MAP3K15: variants seen among roughly 807,000 people sequenced by gnomAD.
MAP3K15 encodes the protein MAPK/ERK kinase kinase 15.
MAP3K15 carries 124 observed loss-of-function variants against 99.5 expected under a neutral mutation model. The observed-to-expected ratio is 1.25, with a 90% CI of 1.08 to 1.45. The LOEUF (loss-of-function observed/expected upper bound fraction) is 1.45. Among genes scored for constraint, MAP3K15 ranks in the 40% most tolerant of loss-of-function variants. The pLI is 0.00. For synonymous variants in MAP3K15, 494 were observed against 439.6 expected (o/e 1.12, Z -1.55); for missense variants, 1,242 against 1,079.7 (o/e 1.15, Z -2.11).
intron 4 of MAP3K15, among the ~76,000 whole-genome samples, chrX:19,463,498 G>A (rs2064145347): frequency 8.9e-6 from 1 of 111,898 alleles, no homozygotes; most frequent in Non-Finnish European, 1.9e-5. Flanking sequence ...TAAATTGGCT[G>A]CAAGCAAAAT....
At chrX:19,379,082 A>T in intron 19 of MAP3K15, among the ~76,000 whole-genome samples, 1 of 109,688 alleles carries the variant, frequency 9.1e-6, no homozygotes, top group African/African-American at 3.3e-5. Context: ...AAGGGAAAGG[A>T]CCCTCCCCCA....
chrX:19,426,818 C>CAAAAAAAAA lies in MAP3K15; in HGVS notation c.1167-484_1167-476dup, dbSNP rs746106862. On this transcript the variant is annotated intron_variant, in intron 7 of 28. Coordinates refer to ENST00000338883, the MANE Select transcript of MAP3K15 (RefSeq NM_001001671.4). ...GGGTGACAGAGCGAGAATCTGTCTC[C>CAAAAAAAAA]AAAAAAAAAAAAAAAAAAAAAAAAA... Among the ~76,000 whole-genome samples, 16 of 21,147 alleles carry CAAAAAAAAA rather than the reference C, an allele frequency of 7.6e-4. 4 individuals carry two copies. Among genetic ancestry groups the CAAAAAAAAA allele is most frequent in the African/African-American group, 3.1e-3 (15 of 4,829 alleles). 18.4% of individuals were successfully genotyped at this position (21,147 alleles called of 115,157 possible).
rs770086835 is a variant in MAP3K15, at chrX:19,395,159, G to A, written c.2116C>T (p.His706Tyr). ...CCCAGGTACTGAACGATATTGCGGT[G>A]CTTAAGGTACTTGTGCAGGGCTATC... ...EEIALHKYLK[H>Y]RNIVQYLGSV... Residue 706 changes from histidine to tyrosine, a missense_variant, in exon 16 of 29, where the codon CAC becomes TAC. By Grantham distance (83) the His-to-Tyr change is moderately conservative. Coordinates refer to ENST00000338883, the MANE Select transcript of MAP3K15 (RefSeq NM_001001671.4). 1.5e-5 allele frequency: 18 copies of A among 1,206,535 alleles called. No homozygotes were observed.
At chrX:19,375,860 G>C (rs183085549) in intron 19 of MAP3K15, among the ~76,000 whole-genome samples, 142 of 112,475 alleles carry the variant, frequency 1.3e-3, no homozygotes, top group African/African-American at 4.4e-3. Context: ...CCCAGCTCAG[G>C]AGTTACGGAT....
At chrX:19,452,979 G>A (rs1358327504) in intron 6 of MAP3K15, among the ~76,000 whole-genome samples, 1 of 110,714 alleles carries the variant, frequency 9.0e-6, no homozygotes, top group Non-Finnish European at 1.9e-5. Flanking sequence ...CTTATATGAG[G>A]TACCTGGGAT....
At chrX:19,490,657 G>C (rs2064362486) in intron 1 of MAP3K15, among the ~76,000 whole-genome samples, 1 of 109,703 alleles carries the variant, frequency 9.1e-6, no homozygotes, top group African/African-American at 3.3e-5. Flanking sequence ...GCTAAGGTGG[G>C]TGGATGGCTG....
At chrX:19,366,289 T>C (rs926741892) in intron 25 of MAP3K15, among the ~76,000 whole-genome samples, 2 of 111,381 alleles carry the variant, frequency 1.8e-5, no homozygotes, top group African/African-American at 6.5e-5. Context: ...CTCAAGCTTG[T>C]GCCTGTATCC....
chrX:19,408,513 C>T, intron 12 of MAP3K15: 1 of 175,368 alleles, frequency 5.7e-6, no homozygotes, highest in Middle Eastern at 2.1e-3. Flanking sequence ...ATCAGCCAGG[C>T]ATTGTGCCAC....
chrX:19,425,180 T>A (rs1052750624), intron 9 of MAP3K15, among the ~76,000 whole-genome samples: 3 of 112,068 alleles, frequency 2.7e-5, no homozygotes. Flanking sequence ...TTTTCATTTG[T>A]GATAAACATT....
At chrX:19,433,727 T>C (rs1385819776) in intron 6 of MAP3K15, among the ~76,000 whole-genome samples, 2 of 111,774 alleles carry the variant, frequency 1.8e-5, no homozygotes, top group East Asian at 2.8e-4. Context: ...TGATTTTACA[T>C]GATAAAAACA....
chrX:19,453,767 G>A (rs2064073871), intron 6 of MAP3K15, among the ~76,000 whole-genome samples: 1 of 112,109 alleles, frequency 8.9e-6, no homozygotes, highest in Non-Finnish European at 1.9e-5. Context: ...CAATGCATTA[G>A]AAAAGTGGGA....
At chrX:19,402,127 A>AT (rs200204588) in intron 13 of MAP3K15, among the ~76,000 whole-genome samples, 1,401 of 89,766 alleles carry the variant, frequency 0.016, 30 homozygotes, top group African/African-American at 0.064. Context: ...CGTTTCTACA[A>AT]TTTTTTTTTT....
At chrX:19,432,361 C>G (rs2063889604) in intron 6 of MAP3K15, among the ~76,000 whole-genome samples, 1 of 109,876 alleles carries the variant, frequency 9.1e-6, no homozygotes, top group African/African-American at 3.3e-5. Flanking sequence ...GTCAGGAATT[C>G]GAGACCAGCC....
chrX:19,457,070 C>T lies in MAP3K15; in HGVS notation c.889-51G>A, dbSNP rs1370484116. 6 of 888,677 alleles carry T rather than the reference C, an allele frequency of 6.8e-6. No individual in the cohort carries two copies. In the Admixed American group the frequency reaches 1.2e-4, roughly 18 times the overall value. The allele number at this position is 888,677 out of a possible 1,213,427, so 73.2% of individuals were successfully genotyped here. ...GCAAGAGAGGAAACACAGCTCTTCA[C>T]TGATTTTTCTGAATTGTTATAAACA... On this transcript the variant is annotated intron_variant, in intron 5 of 28. Transcript: ENST00000338883.
intron 9 of MAP3K15, among the ~76,000 whole-genome samples, chrX:19,424,051 C>T (rs992374496): frequency 2.7e-5 from 3 of 110,683 alleles, no homozygotes; most frequent in African/African-American, 9.9e-5. Context: ...GAAGCTTGCA[C>T]GTGGTCTCTC....
chrX:19,416,916 A>C (rs1341318056), intron 9 of MAP3K15, among the ~76,000 whole-genome samples: 2 of 111,651 alleles, frequency 1.8e-5, no homozygotes, highest in African/African-American at 6.5e-5. Context: ...AAAATTTCAA[A>C]CTCATTTTCT....
chrX:19,393,363 G>C (rs1177436469), intron 16 of MAP3K15, among the ~76,000 whole-genome samples: 1 of 112,190 alleles, frequency 8.9e-6, no homozygotes, highest in Admixed American at 9.4e-5. Flanking sequence ...GGGCACGGTG[G>C]CTCACGCCTG....
chrX:19,477,551 AAC>A (rs2064251287), intron 3 of MAP3K15, among the ~76,000 whole-genome samples: 1 of 105,536 alleles, frequency 9.5e-6, no homozygotes, highest in African/African-American at 3.4e-5. Flanking sequence ...CTCTACTAAA[AAC>A]ACAAAAATTA....
intron 1 of MAP3K15, among the ~76,000 whole-genome samples, chrX:19,512,129 G>A (rs2064523294): frequency 9.0e-6 from 1 of 110,801 alleles, no homozygotes; most frequent in South Asian, 3.9e-4. Context: ...GAGAACCCAT[G>A]GACACAGGGA....
Sources: gnomAD v4.1 joint callset for allele counts (sites outside exome capture counted in the v4.1 genomes callset) on GRCh38, gnomAD v4.1.1 for gene constraint, MANE v1.5 for transcripts, NCBI Gene and HGNC (gene_info 2026-07-23, HGNC 2026-07-21) for gene names.